TLK2: variants seen among roughly 807,000 people sequenced by gnomAD.
TLK2 encodes the protein tousled like kinase 2.
A neutral mutation model predicts 117.3 loss-of-function variants in TLK2; 6 were observed. That is an observed-to-expected ratio of 0.05 (90% confidence interval 0.03 to 0.10). The LOEUF (loss-of-function observed/expected upper bound fraction) is 0.10, where lower values mean the gene tolerates loss of function less well. Ranked by LOEUF, TLK2 falls within the 10% of genes least tolerant of loss-of-function variation. The probability of loss-of-function intolerance (pLI) is 1.00; values close to 1 mark genes in which losing one functional copy is unlikely to be tolerated. For missense variants in TLK2, 299 were observed against 901.2 expected, an observed-to-expected ratio of 0.33 and a Z score of 8.56; for synonymous variants, 257 against 316.7, an observed-to-expected ratio of 0.81 and a Z score of 2.00.
intron 2 of TLK2, among the ~76,000 whole-genome samples, chr17:62,512,025 G>A (rs1465522159): frequency 1.3e-5 from 2 of 152,094 alleles, no homozygotes; most frequent in African/African-American, 4.8e-5. Flanking sequence ...ATTCTCACTA[G>A]CAATATATGT....
intron 16 of TLK2, among the ~76,000 whole-genome samples, chr17:62,591,598 A>T (rs2082089652): frequency 6.6e-6 from 1 of 152,196 alleles, no homozygotes; most frequent in South Asian, 2.1e-4. Flanking sequence ...GGAAAAACGT[A>T]AAGATGATGA....
intron 7 of TLK2, among the ~76,000 whole-genome samples, chr17:62,540,855 C>T (rs2077477496): frequency 6.6e-6 from 1 of 152,120 alleles, no homozygotes; most frequent in South Asian, 2.1e-4. Flanking sequence ...AACGTAAGTC[C>T]AGTCATGCCA....
intron 16 of TLK2, among the ~76,000 whole-genome samples, chr17:62,592,790 A>C (rs1223045962): frequency 1.3e-5 from 2 of 152,180 alleles, no homozygotes; most frequent in African/African-American, 4.8e-5. Flanking sequence ...TACACAGCTT[A>C]CCATAATGTA....
Position 62,583,724 on chromosome 17 carries a change from C to T in TLK2, c.1369-2411C>T, listed in dbSNP as rs2146846634. On this transcript the variant is annotated intron_variant, in intron 15 of 21. Coordinates refer to ENST00000346027, the MANE Select transcript of TLK2 (RefSeq NM_006852.6). ...TCCCGAGTAGCTGGGATTACAGGCG[C>T]CCGACCCCACACCCGGATAATTTTT... 2.0e-5 allele frequency among the ~76,000 whole-genome samples: 3 copies of T among 151,750 alleles called. No individual in the cohort carries two copies. The South Asian group carries it at 6.3e-4, about 32-fold the overall frequency.
chr17:62,485,049 A>G (rs1463881881), intron 2 of TLK2, among the ~76,000 whole-genome samples: 1 of 152,108 alleles, frequency 6.6e-6, no homozygotes, highest in Admixed American at 6.5e-5. Context: ...AAACAAAACA[A>G]AAAAAGAATA....
intron 7 of TLK2, among the ~76,000 whole-genome samples, chr17:62,538,294 C>T (rs531990286): frequency 3.9e-5 from 6 of 152,244 alleles, no homozygotes; most frequent in Admixed American, 3.3e-4. Flanking sequence ...CTCAGCCTCC[C>T]AAAGTGCTGG....
At chr17:62,489,420 G>C (rs1437397367) in intron 2 of TLK2, among the ~76,000 whole-genome samples, 3 of 152,022 alleles carry the variant, frequency 2.0e-5, no homozygotes, top group African/African-American at 4.8e-5. Context: ...TGTTGGCCAG[G>C]CTGATCTCGA....
Position 62,596,745 on chromosome 17 carries a change from G to C in TLK2, c.1550+71G>C. On this transcript the variant is annotated intron_variant, in intron 17 of 21. Transcript: ENST00000346027. ...CAATGCTGATTGTTCATGGAATAGA[G>C]CTGAACTCTGGGTCCAGGACATACC... 5.2e-6 allele frequency: 7 copies of C among 1,349,930 alleles called. 1 individual carries two copies. The highest frequency in any genetic ancestry group is 7.4e-6 in the Non-Finnish European group (7 of 944,084). 83.6% of individuals were successfully genotyped at this position (1,349,930 alleles called of 1,614,324 possible).
At chr17:62,586,574 C>T (rs2081621054) in intron 16 of TLK2, among the ~76,000 whole-genome samples, 2 of 152,152 alleles carry the variant, frequency 1.3e-5, no homozygotes, top group Admixed American at 6.5e-5. Context: ...GTAATCCCAG[C>T]ACTTTGGGAG....
At chr17:62,490,734 A>G (rs2073027881) in intron 2 of TLK2, among the ~76,000 whole-genome samples, 1 of 151,294 alleles carries the variant, frequency 6.6e-6, no homozygotes, top group Admixed American at 6.6e-5. Context: ...TATAGACAGG[A>G]TTTCACCATG....
intron 9 of TLK2, among the ~76,000 whole-genome samples, chr17:62,557,086 G>A (rs1047928516): frequency 1.3e-5 from 2 of 152,082 alleles, no homozygotes; most frequent in African/African-American, 4.8e-5. Flanking sequence ...CACTGTGCTT[G>A]GCTAATTTTT....
At chr17:62,525,022 G>C (rs112824799) in intron 6 of TLK2, among the ~76,000 whole-genome samples, 45 of 152,302 alleles carry the variant, frequency 3.0e-4, no homozygotes, top group Non-Finnish European at 5.1e-4. Flanking sequence ...TGCCAAGGTT[G>C]AGAATTCCTG....
intron 16 of TLK2, among the ~76,000 whole-genome samples, chr17:62,591,570 G>T (rs1015368244): frequency 6.6e-6 from 1 of 152,260 alleles, no homozygotes. Context: ...CTGCCTCAGT[G>T]CTGGCAAGTC....
chr17:62,574,520 G>GT, intron 12 of TLK2: 9 of 608,074 alleles, frequency 1.5e-5, no homozygotes, highest in Non-Finnish European at 1.9e-5. Context: ...TTTTGTTGTT[G>GT]TTGTTTTTTT....
At chr17:62,564,977 C>CT (rs774873019) in intron 10 of TLK2, 24 bp from the exon 11 acceptor site, 7 of 1,589,758 alleles carry the variant, frequency 4.4e-6, no homozygotes, top group African/African-American at 2.7e-5. Context: ...TATTGAATTC[C>CT]TTTTTTTGTC....
intron 16 of TLK2, among the ~76,000 whole-genome samples, chr17:62,590,690 G>A (rs574903845): frequency 6.6e-6 from 1 of 152,192 alleles, no homozygotes; most frequent in South Asian, 2.1e-4. Flanking sequence ...TGTTGCCCAG[G>A]CTGGTCTTTA....
chr17:62,501,214 G>C (rs1225477593), intron 2 of TLK2, among the ~76,000 whole-genome samples: 4 of 151,968 alleles, frequency 2.6e-5, no homozygotes, highest in Admixed American at 6.6e-5. Context: ...CTCCAGCCTG[G>C]GTGACAGAGC....
chr17:62,580,831 A>T (rs1318204930), intron 15 of TLK2, among the ~76,000 whole-genome samples: 3 of 152,190 alleles, frequency 2.0e-5, no homozygotes, highest in Non-Finnish European at 4.4e-5. Context: ...TTGTTTATTA[A>T]GTAGTCTTTG....
intron 2 of TLK2, among the ~76,000 whole-genome samples, chr17:62,496,747 A>G (rs2073729869): frequency 6.6e-6 from 1 of 152,026 alleles, no homozygotes. Context: ...CGAGGTCAGG[A>G]GATTGAGACC....
Sources: gnomAD v4.1 joint callset for allele counts (sites outside exome capture counted in the v4.1 genomes callset) on GRCh38, gnomAD v4.1.1 for gene constraint, MANE v1.5 for transcripts, NCBI Gene and HGNC (gene_info 2026-07-23, HGNC 2026-07-21) for gene names.